The following KIF18A variants were observed in gnomAD, a reference collection of about 807,000 sequenced individuals.
The protein encoded by KIF18A is kinesin-like protein KIF18A.
Under a neutral mutation model 103.3 loss-of-function variants are expected in KIF18A, and 67 were observed. The observed-to-expected ratio is 0.65, with a 90% confidence interval of 0.53 to 0.79. The LOEUF (loss-of-function observed/expected upper bound fraction) is 0.79. Ranked by LOEUF, KIF18A falls within the 30% of genes least tolerant of loss-of-function variation. The pLI, the probability that KIF18A is intolerant of heterozygous loss-of-function variation, is 0.00. For missense variants in KIF18A, 1,032 were observed against 1,062.5 expected (o/e 0.97, Z 0.40); for synonymous variants, 367 against 355.5 (o/e 1.03, Z -0.36).
chr11:28,059,426 A>C (rs938883825), intron 12 of KIF18A, among the ~76,000 whole-genome samples: 22 of 151,962 alleles, frequency 1.4e-4, no homozygotes, highest in Non-Finnish European at 8.8e-5. Context: ...TAAATGAGTT[A>C]AGTATATTTG....
In KIF18A at chr11:28,020,995, A is replaced by C. The variant is rs1449299016; in HGVS notation, c.*205T>G. Reference sequence around the variant, plus strand: ...CAAATATTTAAAAAACTTAAAAGACAACCTTTTCTTTTGAAATTTTATTTT... The same window carrying C: ...CAAATATTTAAAAAACTTAAAAGACCACCTTTTCTTTTGAAATTTTATTTT... On this transcript the variant is annotated 3_prime_UTR_variant, in exon 17 of 17. Transcript: ENST00000263181. 1.3e-5 allele frequency: 5 copies of C among 383,950 alleles called. No individual in the cohort carries two copies. The highest frequency in any genetic ancestry group is 5.3e-5 in the Admixed American group (1 of 18,930). 23.8% of individuals were successfully genotyped at this position (383,950 alleles called of 1,614,324 possible). A position where few individuals can be genotyped will look rare whatever the true frequency, so the allele number is the denominator to read the frequency against.
intron 9 of KIF18A, among the ~76,000 whole-genome samples, chr11:28,078,448 T>C (rs915667003): frequency 6.6e-6 from 1 of 152,138 alleles, no homozygotes; most frequent in African/African-American, 2.4e-5. Context: ...GTCAATTTTG[T>C]GATCTAGACT....
At chr11:28,054,820 T>C (rs1179204326) in intron 13 of KIF18A, among the ~76,000 whole-genome samples, 1 of 152,202 alleles carries the variant, frequency 6.6e-6, no homozygotes, top group Admixed American at 6.5e-5. Context: ...AATTATAAAA[T>C]GTAACATGGC....
chr11:28,062,331 A>C lies in KIF18A; in HGVS notation c.1712+64T>G, dbSNP rs576989382. The C allele has an allele frequency of 1.2e-4, 171 of 1,436,684 alleles. No homozygotes were observed. In the African/African-American group the frequency reaches 2.0e-3, roughly 17 times the overall value. The allele number at this position is 1,436,684 out of a possible 1,614,324, so 89.0% of individuals were successfully genotyped here. On this transcript the variant is annotated intron_variant, in intron 12 of 16. Transcript: ENST00000263181. ...AAAACTCAACTTTCTGGCAGTGGAA[A>C]ATTGAACTTCTGTGCTTCAGATATA...
chr11:28,105,727 C>T (rs1478031410), intron 1 of KIF18A, among the ~76,000 whole-genome samples: 2 of 152,160 alleles, frequency 1.3e-5, no homozygotes, highest in African/African-American at 4.8e-5. Flanking sequence ...TTTCTCTGTA[C>T]TTGTCAGATA....
intron 1 of KIF18A, among the ~76,000 whole-genome samples, chr11:28,103,720 T>C (rs925043039): frequency 1.1e-4 from 17 of 152,132 alleles, no homozygotes; most frequent in African/African-American, 3.4e-4. Flanking sequence ...AGCAATTTAC[T>C]CACTTAGAGT....
At chr11:28,023,200 T>C (rs1850268114) in intron 16 of KIF18A, among the ~76,000 whole-genome samples, 1 of 152,178 alleles carries the variant, frequency 6.6e-6, no homozygotes, top group South Asian at 2.1e-4. Context: ...CACTCCCATA[T>C]GCGGTTGATG....
intron 10 of KIF18A, among the ~76,000 whole-genome samples, chr11:28,075,411 G>C (rs946344691): frequency 3.3e-5 from 5 of 151,952 alleles, no homozygotes; most frequent in Non-Finnish European, 5.9e-5. Context: ...ATATTTCATG[G>C]GGTTTTCTGA....
At chr11:28,050,306 A>T (rs1850695182) in intron 13 of KIF18A, among the ~76,000 whole-genome samples, 1 of 151,864 alleles carries the variant, frequency 6.6e-6, no homozygotes, top group Admixed American at 6.6e-5. Context: ...AGTCAAACAA[A>T]ATGTATTTAG....
chr11:28,046,915 C>G (rs959708873), intron 13 of KIF18A, among the ~76,000 whole-genome samples: 3 of 149,234 alleles, frequency 2.0e-5, no homozygotes, highest in Non-Finnish European at 4.5e-5. Context: ...TTAGCCGGGC[C>G]TGGTGGTGGG....
chr11:28,073,066 C>A (rs1851041572), intron 10 of KIF18A, among the ~76,000 whole-genome samples: 1 of 152,190 alleles, frequency 6.6e-6, no homozygotes, highest in East Asian at 1.9e-4. Context: ...ACAATCTATA[C>A]CAATATCCTA....
chr11:28,032,932 C>A (rs191845333), intron 15 of KIF18A, among the ~76,000 whole-genome samples: 1 of 151,734 alleles, frequency 6.6e-6, no homozygotes, highest in South Asian at 2.1e-4. Flanking sequence ...AGACAACCCA[C>A]AGAATTACAG....
intron 13 of KIF18A, among the ~76,000 whole-genome samples, chr11:28,055,030 T>C (rs753394036): frequency 9.9e-5 from 15 of 152,168 alleles, no homozygotes; most frequent in Non-Finnish European, 1.9e-4. Flanking sequence ...CTTTCTAACA[T>C]CTTGAGTACA....
intron 10 of KIF18A, among the ~76,000 whole-genome samples, chr11:28,076,289 T>C (rs1851090409): frequency 6.6e-6 from 1 of 152,192 alleles, no homozygotes; most frequent in African/African-American, 2.4e-5. Flanking sequence ...ATTTCAGTGA[T>C]AAAATTCTTC....
chr11:28,034,119 C>T (rs1428826868), intron 15 of KIF18A, among the ~76,000 whole-genome samples: 3 of 151,526 alleles, frequency 2.0e-5, no homozygotes, highest in Non-Finnish European at 3.0e-5. Flanking sequence ...CTAGAATATC[C>T]ACTTGATTAA....
chr11:28,090,043 T>C (rs1389968168), intron 5 of KIF18A, among the ~76,000 whole-genome samples: 1 of 152,224 alleles, frequency 6.6e-6, no homozygotes, highest in East Asian at 1.9e-4. Context: ...AATTTCTTTC[T>C]TATAAGATGT....
At chr11:28,100,565 G>GT (rs932090844) in intron 1 of KIF18A, among the ~76,000 whole-genome samples, 1 of 150,720 alleles carries the variant, frequency 6.6e-6, no homozygotes, top group Non-Finnish European at 1.5e-5. Flanking sequence ...GAGTGAAGGG[G>GT]GGGGGTGGTG....
chr11:28,026,454 C>T (rs1361583020), intron 15 of KIF18A, among the ~76,000 whole-genome samples: 1 of 151,744 alleles, frequency 6.6e-6, no homozygotes, highest in Non-Finnish European at 1.5e-5. Flanking sequence ...TAGCATTAAT[C>T]TCTTTTAACC....
At chr11:28,090,794 G>A in intron 4 of KIF18A, 67 bp from the exon 5 acceptor site, 1 of 761,266 alleles carries the variant, frequency 1.3e-6, no homozygotes, top group Non-Finnish European at 2.3e-6. Flanking sequence ...TTCAATAAAT[G>A]TTCAAAAAAC....
Sources: gnomAD v4.1 joint callset for allele counts (sites outside exome capture counted in the v4.1 genomes callset) on GRCh38, gnomAD v4.1.1 for gene constraint, MANE v1.5 for transcripts, NCBI Gene and HGNC (gene_info 2026-07-23, HGNC 2026-07-21) for gene names.